Variants in VAV1 observed in about 807,000 individuals in gnomAD.
VAV1 encodes proto-oncogene vav.
A neutral mutation model predicts 128.1 loss-of-function variants in VAV1; 33 were observed. That is an observed-to-expected ratio of 0.26 (90% CI 0.20 to 0.34). VAV1 has a LOEUF of 0.34. Among genes scored for constraint, VAV1 ranks in the 10% least tolerant of loss-of-function variants. The pLI, the probability that VAV1 is intolerant of heterozygous loss-of-function variation, is 1.00. For synonymous variants in VAV1, 394 were observed against 409.8 expected (o/e 0.96, Z 0.47); for missense variants, 715 against 1,093.7 (o/e 0.65, Z 4.88).
At chr19:6,823,866 T>C (rs1254037703) in intron 6 of VAV1, among the ~76,000 whole-genome samples, 1 of 152,234 alleles carries the variant, frequency 6.6e-6, no homozygotes, top group African/African-American at 2.4e-5. Context: ...CACAAGATTA[T>C]GCAGTCATCA....
At chr19:6,850,628 C>G in intron 23 of VAV1, 42 bp from the exon 24 acceptor site, 1 of 1,595,360 alleles carries the variant, frequency 6.3e-7, no homozygotes, top group African/African-American at 1.3e-5. Context: ...GGGGAATGGG[C>G]CTGGTCCCCA....
intron 1 of VAV1, among the ~76,000 whole-genome samples, chr19:6,782,476 T>G (rs1015225625): frequency 3.4e-4 from 52 of 152,204 alleles, no homozygotes; most frequent in African/African-American, 1.2e-3. Context: ...ATATAGTGAG[T>G]GCTAAATGAA....
intron 7 of VAV1, 49 bp from the exon 8 acceptor site, chr19:6,825,254 C>G: frequency 1.3e-6 from 2 of 1,587,824 alleles, no homozygotes; most frequent in Non-Finnish European, 1.7e-6. Flanking sequence ...CTTCCTGGCC[C>G]CCTGAGCCCT....
At chr19:6,833,779 A>G in intron 18 of VAV1, 46 bp downstream of exon 18, 1 of 1,614,028 alleles carries the variant, frequency 6.2e-7, no homozygotes, top group East Asian at 2.2e-5. Context: ...AATAATGGGC[A>G]ACAGCGCGGG....
At chr19:6,793,343 G>A (rs2546130) in intron 1 of VAV1, among the ~76,000 whole-genome samples, 32,726 of 150,686 alleles carry the variant, frequency 0.22, 3,756 homozygotes, top group African/African-American at 0.29. Flanking sequence ...CAAAAAGAAA[G>A]AAAGAAAGAA....
At chr19:6,783,299 G>A (rs1233950155) in intron 1 of VAV1, among the ~76,000 whole-genome samples, 1 of 152,202 alleles carries the variant, frequency 6.6e-6, no homozygotes, top group Non-Finnish European at 1.5e-5. Flanking sequence ...TTGGGTCAAT[G>A]TCAGGGGTTG....
chr19:6,835,490 A>G (rs571330537), intron 19 of VAV1, among the ~76,000 whole-genome samples: 7 of 152,250 alleles, frequency 4.6e-5, no homozygotes, highest in African/African-American at 1.4e-4. Flanking sequence ...TTGCTACCAT[A>G]TTGGACATAT....
At chr19:6,832,600 T>TCCTCCCCTTCCTCCTCCTCGC (rs1599666322) in intron 15 of VAV1, among the ~76,000 whole-genome samples, 1 of 130,414 alleles carries the variant, frequency 7.7e-6, no homozygotes, top group Non-Finnish European at 1.5e-5. Context: ...CTCTTCCTCT[T>TCCTCCCCTTCCTCCTCCTCGC]CCTCCTATTC....
rs924843679 is a variant in VAV1, at chr19:6,788,267, C to T, written c.204+15256C>T. Reference sequence around the variant, plus strand: ...ATTTATATTCTCATCACTCTGAGTTCGATGGAAAATAGGGGGGTTGGCTTT... The same window carrying T: ...ATTTATATTCTCATCACTCTGAGTTTGATGGAAAATAGGGGGGTTGGCTTT... On this transcript the variant is annotated intron_variant, in intron 1 of 26. Transcript: ENST00000602142. Among the ~76,000 whole-genome samples the T allele has an allele frequency of 1.8e-4, 28 of 151,922 alleles. No homozygotes were observed. In the East Asian group the frequency reaches 2.7e-3, roughly 15 times the overall value.
intron 19 of VAV1, among the ~76,000 whole-genome samples, chr19:6,835,276 CT>C (rs1238942638): frequency 1.3e-5 from 2 of 151,416 alleles, no homozygotes; most frequent in African/African-American, 4.9e-5. Flanking sequence ...GAAATACATA[CT>C]TTAAGGTATG....
intron 14 of VAV1, among the ~76,000 whole-genome samples, 188 bp downstream of exon 14, chr19:6,830,106 C>T (rs977547303): frequency 7.2e-5 from 11 of 152,148 alleles, no homozygotes; most frequent in Non-Finnish European, 1.0e-4. Context: ...GTCGCCAGGC[C>T]GGAGTGCAGT....
intron 1 of VAV1, among the ~76,000 whole-genome samples, chr19:6,776,353 T>TATCCATCC (rs371099055): frequency 0.02 from 1,454 of 72,700 alleles, 29 homozygotes; most frequent in African/African-American, 0.058. Context: ...TCCACTCATC[T>TATCCATCC]ATCCATCCAT....
At chr19:6,823,736 G>A (rs573664993) in intron 6 of VAV1, among the ~76,000 whole-genome samples, 1 of 151,560 alleles carries the variant, frequency 6.6e-6, no homozygotes, top group African/African-American at 2.4e-5. Context: ...TTTATCCCAG[G>A]CTCAGTCTTT....
chr19:6,807,340 A>T (rs996740127), intron 1 of VAV1, among the ~76,000 whole-genome samples: 1 of 151,666 alleles, frequency 6.6e-6, no homozygotes, highest in Non-Finnish European at 1.5e-5. Context: ...GCAGATCATC[A>T]GGCACCAGAT....
At chr19:6,790,563 T>G (rs1970995781) in intron 1 of VAV1, among the ~76,000 whole-genome samples, 1 of 152,150 alleles carries the variant, frequency 6.6e-6, no homozygotes, top group Non-Finnish European at 1.5e-5. Flanking sequence ...GGCGAGCCCC[T>G]AGATTGGGGC....
At chr19:6,838,048 C>G (rs190121758) in intron 21 of VAV1, among the ~76,000 whole-genome samples, 1 of 152,178 alleles carries the variant, frequency 6.6e-6, no homozygotes, top group African/African-American at 2.4e-5. Flanking sequence ...AGCTGGTGTT[C>G]TGCTGCAAGA....
In VAV1 at chr19:6,848,034, C is replaced by T. The variant is rs1972569469; in HGVS notation, c.2049C>T (p.Ser683=). ...AGPMERAGAE[S]ILANRSDGTF... is the part of the protein sequence containing the mutation. Reference sequence around the variant, plus strand: ...CCATGGAGCGGGCAGGGGCAGAGAGCATCCTGGCCAACCGCTCGGACGGGA... The same window carrying T: ...CCATGGAGCGGGCAGGGGCAGAGAGTATCCTGGCCAACCGCTCGGACGGGA... The change falls in exon 23 of 27, where the codon AGC becomes AGT. Residue 683 remains serine (S), a synonymous_variant. Coordinates refer to ENST00000602142, the MANE Select transcript of VAV1 (RefSeq NM_005428.4). The T allele has an allele frequency of 2.0e-6, 3 of 1,535,162 alleles. No individual in the cohort carries two copies. Among genetic ancestry groups the T allele is most frequent in the African/African-American group, 1.4e-5 (1 of 69,148 alleles).
chr19:6,843,738 C>G (rs1316527862), intron 22 of VAV1, among the ~76,000 whole-genome samples: 3 of 152,112 alleles, frequency 2.0e-5, no homozygotes, highest in African/African-American at 7.2e-5. Context: ...CTGGTCCTGA[C>G]ACATAATGAG....
In VAV1 at chr19:6,828,024, T is replaced by C; in HGVS notation, c.928-52T>C. 2 of 1,518,914 alleles carry C rather than the reference T, an allele frequency of 1.3e-6. No homozygotes were observed. The highest frequency in any genetic ancestry group is 9.1e-7 in the Non-Finnish European group (1 of 1,093,610). The allele number at this position is 1,518,914 out of a possible 1,614,324, so 94.1% of individuals were successfully genotyped here. ...AATCTATCTGCACCCACCCTGCAAC[T>C]GGCTGTTTCTGGGACCTGCCTCAGT... On this transcript the variant is annotated intron_variant, in intron 9 of 26. Transcript: ENST00000602142. The surrounding 1 kb of genome is among the most constrained non-coding windows in gnomAD (Gnocchi z 4.5).
Sources: gnomAD v4.1 joint callset for allele counts (sites outside exome capture counted in the v4.1 genomes callset) on GRCh38, gnomAD v4.1.1 for gene constraint, Gnocchi (gnomAD v3.1) non-coding constraint, MANE v1.5 for transcripts, NCBI Gene and HGNC (gene_info 2026-07-23, HGNC 2026-07-21) for gene names.